Variants in STPG2 observed in about 807,000 individuals in gnomAD.
The protein encoded by STPG2 is sperm-tail PG-rich repeat-containing protein 2.
Under a neutral mutation model 54.2 loss-of-function variants are expected in STPG2, and 56 were observed. The observed-to-expected ratio is 1.03, with a 90% confidence interval of 0.83 to 1.29. The LOEUF is 1.29. STPG2 is among the 50% of genes most tolerant of loss of function. STPG2 has a pLI of 0.00. For synonymous variants in STPG2, 200 were observed against 181.8 expected, an observed-to-expected ratio of 1.10 and a Z score of -0.81; for missense variants, 596 against 544.9, an observed-to-expected ratio of 1.09 and a Z score of -0.93.
At chr4:98,048,363 C>G (rs1737207024) in intron 5 of STPG2, among the ~76,000 whole-genome samples, 1 of 152,136 alleles carries the variant, frequency 6.6e-6, no homozygotes, top group Non-Finnish European at 1.5e-5. Context: ...GCAACTAATC[C>G]TATCTGAAGA....
chr4:97,486,829 G>GTGTATATA (rs1490371230), intron 4 of STPG2, among the ~76,000 whole-genome samples: 6 of 90,204 alleles, frequency 6.7e-5, no homozygotes, highest in South Asian at 3.8e-4. Flanking sequence ...GTGTGTGTGT[G>GTGTATATA]TATATATATA....
chr4:97,468,306 T>C (rs980671649), intron 4 of STPG2, among the ~76,000 whole-genome samples: 2 of 152,006 alleles, frequency 1.3e-5, no homozygotes, highest in African/African-American at 2.4e-5. Flanking sequence ...AAAATACATA[T>C]CTATACCTAA....
At chr4:97,919,593 C>T (rs1732019301) in intron 8 of STPG2, among the ~76,000 whole-genome samples, 1 of 151,630 alleles carries the variant, frequency 6.6e-6, no homozygotes, top group Admixed American at 6.6e-5. Context: ...ATATATTTCT[C>T]AAAAATTGAA....
At chr4:97,798,308 A>G (rs112481812) in intron 9 of STPG2, among the ~76,000 whole-genome samples, 3,091 of 151,968 alleles carry the variant, frequency 0.02, 98 homozygotes, top group African/African-American at 0.071. Context: ...CTACTTTCTC[A>G]TGTGGGCATA....
rs866303050 is a variant in STPG2 at position 97,736,945 on chromosome 4, A to G, written c.1205-24131T>C. 3.3e-5 allele frequency among the ~76,000 whole-genome samples: 5 copies of G among 152,280 alleles called. No homozygotes were observed. The Middle Eastern group carries it at 0.01, about 311-fold the overall frequency. On this transcript the variant is annotated intron_variant, in intron 9 of 10. Transcript: ENST00000295268. ...TGACCCCTGACCCCCCAGCAGCCTA[A>G]CAGGGAGGCACCCCCCAGTAGGGGC...
intron 9 of STPG2, among the ~76,000 whole-genome samples, chr4:97,797,979 GTGT>G (rs1727256381): frequency 6.6e-6 from 1 of 152,110 alleles, no homozygotes; most frequent in Admixed American, 6.6e-5. Context: ...TTGCATAGAG[GTGT>G]TTATAGTATT....
intron 4 of STPG2, among the ~76,000 whole-genome samples, chr4:97,538,820 C>A (rs1411040965): frequency 1.8e-4 from 27 of 152,192 alleles, no homozygotes; most frequent in Admixed American, 1.1e-3. Flanking sequence ...CAAAGGGAAG[C>A]ACATCAGACT....
At chr4:98,077,374 C>G in intron 5 of STPG2, among the ~76,000 whole-genome samples, 1 of 152,108 alleles carries the variant, frequency 6.6e-6, no homozygotes. Flanking sequence ...TCCTGAGTAG[C>G]TGGGACTACA....
intron 8 of STPG2, among the ~76,000 whole-genome samples, chr4:97,862,640 T>C (rs147102586): frequency 3.6e-4 from 55 of 152,186 alleles, no homozygotes; most frequent in African/African-American, 8.9e-4. Context: ...CAAAAGAATA[T>C]ACATTCTTCT....
intron 5 of STPG2, among the ~76,000 whole-genome samples, chr4:98,014,660 T>C (rs910689093): frequency 6.6e-6 from 1 of 152,216 alleles, no homozygotes. Context: ...ACTATCATTA[T>C]AATATTCAAG....
chr4:97,482,326 A>G (rs1730242584), intron 4 of STPG2, among the ~76,000 whole-genome samples: 1 of 151,608 alleles, frequency 6.6e-6, no homozygotes, highest in African/African-American at 2.4e-5. Context: ...CAAAAAGTGA[A>G]GGGAGAAATA....
rs530906833 is a variant in STPG2 at position 97,830,030 on chromosome 4, A to G, written c.1204+10743T>C. Among the ~76,000 whole-genome samples, 203 of 152,290 alleles carry G rather than the reference A, an allele frequency of 1.3e-3. 1 individual carries two copies. Among genetic ancestry groups the G allele is most frequent in the Non-Finnish European group, 2.6e-3 (178 of 68,026 alleles). The stretch of plus-strand genomic sequence containing the variant: ...ATTCAGGAAATACAGAGAACACCAC[A>G]AAGATACTACTCGAGAAGAGAAACC... On this transcript the variant is annotated intron_variant, in intron 9 of 10. Transcript: ENST00000295268.
At chr4:98,002,168 C>T (rs1735432720) in intron 5 of STPG2, among the ~76,000 whole-genome samples, 1 of 151,972 alleles carries the variant, frequency 6.6e-6, no homozygotes, top group South Asian at 2.1e-4. Context: ...TCTTTACACA[C>T]ACTAATAGCT....
chr4:97,834,469 G>T (rs1728572915), intron 9 of STPG2, among the ~76,000 whole-genome samples: 1 of 151,972 alleles, frequency 6.6e-6, no homozygotes, highest in Non-Finnish European at 1.5e-5. Context: ...TAACAAACCT[G>T]CACACTCTGC....
chr4:97,748,526 A>T (rs2149043723), intron 9 of STPG2, among the ~76,000 whole-genome samples: 1 of 151,610 alleles, frequency 6.6e-6, no homozygotes, highest in African/African-American at 2.4e-5. Context: ...ACAAAAAGAG[A>T]AAGGGAACAT....
chr4:98,014,460 T>G (rs1371395840), intron 5 of STPG2, among the ~76,000 whole-genome samples: 1 of 152,116 alleles, frequency 6.6e-6, no homozygotes, highest in East Asian at 1.9e-4. Flanking sequence ...GATACCTCGG[T>G]TGCCAGTGCA....
chr4:97,800,441 G>A (rs1727348860), intron 9 of STPG2, among the ~76,000 whole-genome samples: 1 of 152,242 alleles, frequency 6.6e-6, no homozygotes, highest in African/African-American at 2.4e-5. Context: ...GTTTGCTGGA[G>A]ATCCACTCCA....
intron 4 of STPG2, among the ~76,000 whole-genome samples, chr4:97,458,972 T>C (rs1289244835): frequency 2.0e-5 from 3 of 152,178 alleles, no homozygotes; most frequent in Non-Finnish European, 2.9e-5. Flanking sequence ...GATAATAATA[T>C]GTAACAATAA....
At chr4:98,013,580 CTTTTTTTT>C (rs34198207) in intron 5 of STPG2, among the ~76,000 whole-genome samples, 4 of 74,586 alleles carry the variant, frequency 5.4e-5, no homozygotes, top group African/African-American at 2.1e-4. Flanking sequence ...TGGTCCTGGG[CTTTTTTTT>C]TTTTTTTTTT....
Sources: gnomAD v4.1 joint callset for allele counts (sites outside exome capture counted in the v4.1 genomes callset) on GRCh38, gnomAD v4.1.1 for gene constraint, MANE v1.5 for transcripts, NCBI Gene and HGNC (gene_info 2026-07-23, HGNC 2026-07-21) for gene names.